GRM8: variants seen among roughly 807,000 people sequenced by gnomAD.
GRM8 encodes the protein glutamate metabotropic receptor 8.
GRM8 carries 47 observed loss-of-function variants against 87.2 expected under a neutral mutation model. That is an observed-to-expected ratio of 0.54 (90% CI 0.43 to 0.69). The LOEUF (loss-of-function observed/expected upper bound fraction) is 0.69. Ranked by LOEUF, GRM8 falls within the 30% of genes least tolerant of loss-of-function variation. GRM8 has a pLI of 0.00. For synonymous variants in GRM8, 396 were observed against 404.5 expected (o/e 0.98, Z 0.25); for missense variants, 1,019 against 1,139.2 (o/e 0.89, Z 1.52).
chr7:126,589,824 A>T (rs1021650164), intron 8 of GRM8, among the ~76,000 whole-genome samples: 6 of 152,194 alleles, frequency 3.9e-5, no homozygotes, highest in African/African-American at 7.2e-5. Flanking sequence ...GACACCCCCT[A>T]GTAGGTAAGT....
At chr7:126,952,099 C>T (rs1045655955) in intron 3 of GRM8, among the ~76,000 whole-genome samples, 1 of 151,440 alleles carries the variant, frequency 6.6e-6, no homozygotes, top group African/African-American at 2.4e-5. Flanking sequence ...AAAAAATAAG[C>T]TTAGAATATA....
chr7:126,574,120 A>G (rs572120763), intron 8 of GRM8, among the ~76,000 whole-genome samples: 1 of 152,326 alleles, frequency 6.6e-6, no homozygotes, highest in South Asian at 2.1e-4. Flanking sequence ...TTAAAACACC[A>G]TTTTAAATGA....
chr7:126,786,923 T>G (rs1171978968), intron 6 of GRM8, among the ~76,000 whole-genome samples: 1 of 152,230 alleles, frequency 6.6e-6, no homozygotes, highest in African/African-American at 2.4e-5. Flanking sequence ...AGAGTTATTT[T>G]CAGCATCATA....
At chr7:127,166,152 C>T (rs536097231) in intron 2 of GRM8, among the ~76,000 whole-genome samples, 1 of 152,230 alleles carries the variant, frequency 6.6e-6, no homozygotes, top group African/African-American at 2.4e-5. Context: ...CCACCTCTAG[C>T]TATATAAAAT....
At chr7:127,046,473 C>G (rs992925005) in intron 3 of GRM8, among the ~76,000 whole-genome samples, 8 of 152,174 alleles carry the variant, frequency 5.3e-5, no homozygotes, top group Admixed American at 3.3e-4. Context: ...TAGCAAATGT[C>G]ACTGTGGGCA....
At chr7:127,016,240 C>T (rs1048042300) in intron 3 of GRM8, among the ~76,000 whole-genome samples, 27 of 152,068 alleles carry the variant, frequency 1.8e-4, no homozygotes, top group African/African-American at 5.1e-4. Context: ...TCTCTGATCT[C>T]CTTTTTGAGG....
intron 7 of GRM8, among the ~76,000 whole-genome samples, chr7:126,763,762 A>G (rs967613013): frequency 6.6e-6 from 1 of 151,866 alleles, no homozygotes; most frequent in African/African-American, 2.4e-5. Context: ...ATTAAAATTT[A>G]AAATACTATT....
At chr7:126,466,547 A>C (rs760149709) in intron 9 of GRM8, among the ~76,000 whole-genome samples, 1 of 151,874 alleles carries the variant, frequency 6.6e-6, no homozygotes, top group Non-Finnish European at 1.5e-5. Flanking sequence ...AATTTCCATG[A>C]TCTGCCACCT....
At chr7:126,999,155 A>G (rs933181284) in intron 3 of GRM8, among the ~76,000 whole-genome samples, 1 of 151,922 alleles carries the variant, frequency 6.6e-6, no homozygotes, top group Non-Finnish European at 1.5e-5. Flanking sequence ...TCATCTCTTT[A>G]ATAAATGATG....
At chr7:126,476,062 A>T (rs1805868833) in intron 9 of GRM8, among the ~76,000 whole-genome samples, 2 of 152,104 alleles carry the variant, frequency 1.3e-5, no homozygotes, top group Non-Finnish European at 2.9e-5. Flanking sequence ...GTTTTTTTAT[A>T]CAACACCAAA....
intron 3 of GRM8, among the ~76,000 whole-genome samples, chr7:127,017,416 C>T (rs901085759): frequency 5.3e-5 from 8 of 152,130 alleles, no homozygotes; most frequent in African/African-American, 1.7e-4. Flanking sequence ...CAACCCTACA[C>T]GTTGTACTCC....
intron 9 of GRM8, among the ~76,000 whole-genome samples, chr7:126,479,952 G>GA (rs1291229354): frequency 3.3e-5 from 5 of 152,032 alleles, no homozygotes; most frequent in Non-Finnish European, 7.4e-5. Context: ...GACCCAGAGG[G>GA]AAAAAAATCA....
intron 7 of GRM8, among the ~76,000 whole-genome samples, chr7:126,613,760 C>T (rs536916063): frequency 6.6e-6 from 1 of 152,326 alleles, no homozygotes; most frequent in South Asian, 2.1e-4. Flanking sequence ...GGTCCCATGC[C>T]CACGGAGCCT....
intron 6 of GRM8, among the ~76,000 whole-genome samples, chr7:126,832,551 C>A (rs1795491393): frequency 6.6e-6 from 1 of 152,070 alleles, no homozygotes; most frequent in Non-Finnish European, 1.5e-5. Context: ...ATATGTTTGC[C>A]TACTTTTTAA....
At chr7:126,982,787 T>C (rs534284610) in intron 3 of GRM8, among the ~76,000 whole-genome samples, 6 of 152,334 alleles carry the variant, frequency 3.9e-5, no homozygotes, top group African/African-American at 1.4e-4. Context: ...ACCCATTCTG[T>C]ATTCCCTTTG....
intron 8 of GRM8, among the ~76,000 whole-genome samples, chr7:126,562,633 G>T (rs1026861401): frequency 6.6e-6 from 1 of 152,134 alleles, no homozygotes; most frequent in Non-Finnish European, 1.5e-5. Flanking sequence ...GGTGGCTCAC[G>T]CCTGTAATCC....
At chr7:127,229,672 T>C (rs1179397591) in intron 2 of GRM8, 3 of 152,112 alleles carry the variant, frequency 2.0e-5, no homozygotes, top group African/African-American at 7.2e-5. Flanking sequence ...AGAAGAAAAA[T>C]AATCATTTAT....
At chr7:127,100,742 A>G (rs1290505236) in intron 3 of GRM8, among the ~76,000 whole-genome samples, 2 of 151,176 alleles carry the variant, frequency 1.3e-5, no homozygotes, top group Admixed American at 1.3e-4. Context: ...AACCACTCCC[A>G]TGATTCAATG....
intron 2 of GRM8, among the ~76,000 whole-genome samples, chr7:127,160,221 A>T (rs1481405131): frequency 6.6e-6 from 1 of 152,110 alleles, no homozygotes; most frequent in Non-Finnish European, 1.5e-5. Context: ...CTCCTTGCAA[A>T]AAAGGAGGGT....
Sources: allele counts gnomAD v4.1 joint callset (sites outside exome capture counted in the v4.1 genomes callset), GRCh38; gene constraint gnomAD v4.1.1; transcripts MANE v1.5; gene names NCBI Gene and HGNC (gene_info 2026-07-23, HGNC 2026-07-21).